Variants in GLT6D1 observed in about 807,000 individuals in gnomAD.
The protein encoded by GLT6D1 is glycosyltransferase 6 domain containing 1, also known as putative glycosyltransferase 6 domain-containing protein 1.
A neutral mutation model predicts 12.3 loss-of-function variants in GLT6D1; 9 were observed. The observed-to-expected ratio is 0.73, with a 90% CI of 0.44 to 1.27. GLT6D1 has a LOEUF of 1.27. Among genes scored for constraint, GLT6D1 ranks in the 50% most tolerant of loss-of-function variants. GLT6D1 has a pLI of 0.00. For synonymous variants in GLT6D1, 128 were observed against 132.3 expected (o/e 0.97, Z 0.23); for missense variants, 335 against 346.2 (o/e 0.97, Z 0.26).
At chr9:135,639,787 C>T (rs1157618743), upstream of GLT6D1, among the ~76,000 whole-genome samples, 5 of 151,714 alleles carry the variant, frequency 3.3e-5, no homozygotes, top group Admixed American at 6.6e-5. Flanking sequence ...ATAGGGAACA[C>T]GCCACTGCGC....
intron 3 of GLT6D1, among the ~76,000 whole-genome samples, chr9:135,629,827 A>G (rs1203000005): frequency 6.6e-6 from 1 of 152,134 alleles, no homozygotes; most frequent in Admixed American, 6.5e-5. Flanking sequence ...TCCTTTTGTC[A>G]TTATAAAATG....
chr9:135,633,531 A>G (rs1364162445), intron 2 of GLT6D1, among the ~76,000 whole-genome samples: 2 of 152,248 alleles, frequency 1.3e-5, no homozygotes, highest in Non-Finnish European at 2.9e-5. Flanking sequence ...CTGGGACTAC[A>G]GGTATGAGCT....
intron 2 of GLT6D1, among the ~76,000 whole-genome samples, chr9:135,636,669 C>A (rs1157596841): frequency 1.3e-5 from 2 of 152,068 alleles, no homozygotes; most frequent in East Asian, 3.9e-4. Flanking sequence ...ACCTATTCAT[C>A]CCCTCCCTCA....
intron 2 of GLT6D1, among the ~76,000 whole-genome samples, chr9:135,636,076 T>C (rs543615452): frequency 1.3e-5 from 2 of 152,234 alleles, no homozygotes; most frequent in South Asian, 4.2e-4. Context: ...CATACCCAGC[T>C]GGGCACTGTG....
Position 135,625,312 on chromosome 9 carries a change from G to A in GLT6D1, c.258-642C>T, listed in dbSNP as rs958737228. Reference sequence around the variant, plus strand: ...CACTGGTGTTAAGGACTCGGCCATCGACAGAGAAACCCAGCACACCTTTTG... The same window carrying A: ...CACTGGTGTTAAGGACTCGGCCATCAACAGAGAAACCCAGCACACCTTTTG... On this transcript the variant is annotated intron_variant, in intron 4 of 4. Transcript: ENST00000371763. Among the ~76,000 whole-genome samples, 182 of 152,216 alleles carry A rather than the reference G, an allele frequency of 1.2e-3. 1 individual carries two copies. The highest frequency in any genetic ancestry group is 4.1e-3 in the African/African-American group (171 of 41,544).
Position 135,628,756 on chromosome 9 carries a change from C to A in GLT6D1, c.120-2550G>T, listed in dbSNP as rs530034585. On this transcript the variant is annotated intron_variant, in intron 3 of 4. Transcript: ENST00000371763. ...TTTTATTACTAATTCAATGTATTTA[C>A]TTATTATAGCTCTATTCAAATTTTC... 3.9e-5 allele frequency among the ~76,000 whole-genome samples: 6 copies of A among 152,068 alleles called. No individual in the cohort carries two copies. The South Asian group carries it at 1.2e-3, about 32-fold the overall frequency.
chr9:135,628,627 A>T (rs940277263), intron 3 of GLT6D1, among the ~76,000 whole-genome samples: 1 of 152,042 alleles, frequency 6.6e-6, no homozygotes, highest in African/African-American at 2.4e-5. Context: ...TCCTCTTTTA[A>T]TACTTTGAAG....
upstream of GLT6D1, among the ~76,000 whole-genome samples, chr9:135,640,420 A>G (rs908178967): frequency 1.3e-5 from 2 of 152,176 alleles, no homozygotes; most frequent in African/African-American, 4.8e-5. Context: ...GAAACCGGAC[A>G]TTGATAATGT....
intron 2 of GLT6D1, among the ~76,000 whole-genome samples, chr9:135,635,247 G>T (rs1833746506): frequency 6.6e-6 from 1 of 152,088 alleles, no homozygotes; most frequent in Non-Finnish European, 1.5e-5. Flanking sequence ...TTCAGCTTTG[G>T]CCATCGGGAG....
At chr9:135,630,230 C>G (rs934011527) in intron 3 of GLT6D1, among the ~76,000 whole-genome samples, 1 of 151,576 alleles carries the variant, frequency 6.6e-6, no homozygotes, top group African/African-American at 2.4e-5. Flanking sequence ...ACGGTGAAAC[C>G]CTGTCTCTAC....
At chr9:135,632,389 A>C (rs938245454) in intron 2 of GLT6D1, among the ~76,000 whole-genome samples, 9 of 152,232 alleles carry the variant, frequency 5.9e-5, no homozygotes, top group African/African-American at 2.2e-4. Context: ...TGACTTCAAG[A>C]CTGTCCGTCC....
rs938124014 is a variant in GLT6D1 at position 135,626,317 on chromosome 9, G to A, written c.120-111C>T. 12 of 1,136,906 alleles carry A rather than the reference G, an allele frequency of 1.1e-5. No homozygotes were observed. The South Asian group carries it at 1.3e-4, about 13-fold the overall frequency. 70.4% of individuals were successfully genotyped at this position (1,136,906 alleles called of 1,614,324 possible). On this transcript the variant is annotated intron_variant, in intron 3 of 4. Coordinates refer to ENST00000371763, the MANE Select transcript of GLT6D1 (RefSeq NM_182974.3). ...GAGCACCTAGTGCGCGCCCAGCTCC[G>A]TGTTTGAGTGCATCATCCCACTGGA...
chr9:135,625,726 G>C (rs181793375), intron 4 of GLT6D1, among the ~76,000 whole-genome samples: 3 of 152,290 alleles, frequency 2.0e-5, no homozygotes, highest in African/African-American at 4.8e-5. Context: ...ACAAATAGGC[G>C]ACGTCTGGGA....
At position 135,624,098 on chromosome 9, in the gene GLT6D1, T is replaced by C. The variant is rs1833423087; in HGVS notation, c.830A>G (p.Ter277TrpextTer32). 6.3e-7 allele frequency: 1 copy of C among 1,599,372 alleles called. No individual in the cohort carries two copies. Among genetic ancestry groups the C allele is most frequent in the Admixed American group, 1.7e-5 (1 of 59,478 alleles). The change falls in exon 5 of 5, where the codon TAG becomes TGG. Residue 277 changes from the stop codon to tryptophan (W), a stop_lost. Coordinates refer to ENST00000371763, the MANE Select transcript of GLT6D1 (RefSeq NM_182974.3). ...NKYFYLNKPT[*>W] Reference sequence around the variant, plus strand: ...CCAGCTGTATGCTGGTGATAACAGCTAGGTGGGTTTATTGAGGTAAAAATA... The same window carrying C: ...CCAGCTGTATGCTGGTGATAACAGCCAGGTGGGTTTATTGAGGTAAAAATA...
intron 2 of GLT6D1, among the ~76,000 whole-genome samples, chr9:135,635,907 C>G (rs572381937): frequency 1.3e-5 from 2 of 152,180 alleles, no homozygotes; most frequent in Non-Finnish European, 2.9e-5. Flanking sequence ...GAAACTTGCT[C>G]CCCCATGCCT....
intron 2 of GLT6D1, among the ~76,000 whole-genome samples, chr9:135,634,628 T>A (rs1441177888): frequency 1.3e-5 from 2 of 152,066 alleles, no homozygotes; most frequent in Non-Finnish European, 2.9e-5. Context: ...GGTACTTTTG[T>A]TCCAATTCAT....
intron 2 of GLT6D1, among the ~76,000 whole-genome samples, chr9:135,636,024 G>A (rs1833765974): frequency 6.6e-6 from 1 of 152,178 alleles, no homozygotes; most frequent in Non-Finnish European, 1.5e-5. Flanking sequence ...CATGTACAGT[G>A]CTCATGTACA....
chr9:135,631,274 C>T (rs957587978), intron 3 of GLT6D1, among the ~76,000 whole-genome samples, 157 bp downstream of exon 3: 4 of 152,220 alleles, frequency 2.6e-5, no homozygotes, highest in African/African-American at 4.8e-5. Context: ...TCTTGATCAA[C>T]AGACCCTGGT....
intron 3 of GLT6D1, among the ~76,000 whole-genome samples, chr9:135,626,454 G>A (rs553374966): frequency 1.7e-3 from 262 of 152,260 alleles, no homozygotes; most frequent in African/African-American, 5.7e-3. Flanking sequence ...TAACACGTGG[G>A]GATGCCACAT....
Sources: gnomAD v4.1 joint callset for allele counts (sites outside exome capture counted in the v4.1 genomes callset) on GRCh38, gnomAD v4.1.1 for gene constraint, MANE v1.5 for transcripts, NCBI Gene and HGNC (gene_info 2026-07-23, HGNC 2026-07-21) for gene names.